Variants in PTCD2 observed in about 807,000 individuals in gnomAD.
The protein encoded by PTCD2 is pentatricopeptide repeat-containing protein 2, mitochondrial.
PTCD2 carries 31 observed loss-of-function variants against 42.6 expected under a neutral mutation model. The ratio of observed to expected loss-of-function variants is 0.73; its 90% CI spans 0.55 to 0.98. PTCD2 has a LOEUF of 0.98. Among genes scored for constraint, PTCD2 ranks in the 50% least tolerant of loss-of-function variants. The pLI is 0.00. For synonymous variants in PTCD2, 183 were observed against 170.9 expected, an observed-to-expected ratio of 1.07 and a Z score of -0.55; for missense variants, 476 against 454.8, an observed-to-expected ratio of 1.05 and a Z score of -0.42.
chr5:72,332,744 C>G (rs180676403), intron 4 of PTCD2, among the ~76,000 whole-genome samples: 19 of 152,202 alleles, frequency 1.2e-4, no homozygotes, highest in African/African-American at 4.6e-4. Flanking sequence ...AGGACCTAAT[C>G]CTGCTTCTAG....
At chr5:72,325,742 A>G (rs763623261) in intron 2 of PTCD2, among the ~76,000 whole-genome samples, 53 of 152,314 alleles carry the variant, frequency 3.5e-4, no homozygotes, top group Non-Finnish European at 7.5e-4. Flanking sequence ...GGTTCTTGGA[A>G]CAAATCCTAT....
intron 6 of PTCD2, among the ~76,000 whole-genome samples, chr5:72,337,312 A>G (rs1260743612): frequency 3.9e-5 from 6 of 152,006 alleles, no homozygotes; most frequent in East Asian, 1.9e-4. Context: ...ATTTAGCCCA[A>G]GGGTCATAGT....
rs1753055889 is a variant in PTCD2, at chr5:72,360,018, A to G, written c.*1591A>G. On this transcript the variant is annotated 3_prime_UTR_variant, in exon 10 of 10. Coordinates refer to ENST00000380639, the MANE Select transcript of PTCD2 (RefSeq NM_024754.5). ...AAAGCAAGCAGATAGTGGCTGGCAC[A>G]TAGTACATGCAATATGTTTGAAACT... The G allele has an allele frequency of 1.3e-5, 2 of 152,096 alleles. No homozygotes were observed. Among genetic ancestry groups the G allele is most frequent in the African/African-American group, 4.8e-5 (2 of 41,414 alleles). 9.4% of individuals were successfully genotyped at this position (152,096 alleles called of 1,614,324 possible). A position where few individuals can be genotyped will look rare whatever the true frequency, so the allele number is the denominator to read the frequency against.
intron 3 of PTCD2, among the ~76,000 whole-genome samples, chr5:72,330,161 C>T (rs1751371767): frequency 6.6e-6 from 1 of 151,412 alleles, no homozygotes; most frequent in Non-Finnish European, 1.5e-5. Context: ...AAGATGGTCT[C>T]GATCTCCTGA....
chr5:72,352,705 A>G lies in PTCD2; in HGVS notation c.893A>G (p.Glu298Gly). Reference protein sequence around the residue: ...NLIKTLKNAAEGNLSKFVKRH... With the variant: ...NLIKTLKNAAGGNLSKFVKRH... Reference sequence around the variant, plus strand: ...ATAAAGACTCTAAAAAATGCTGCAGAAGGAAATTTATCAAAATTTGTGAAA... The same window carrying G: ...ATAAAGACTCTAAAAAATGCTGCAGGAGGAAATTTATCAAAATTTGTGAAA... The change falls in exon 9 of 10, where the codon GAA (glutamate) becomes GGA (glycine). Residue 298 changes from glutamate to glycine, a missense_variant. Transcript: ENST00000380639. The G allele has an allele frequency of 6.2e-7, 1 of 1,605,282 alleles. No individual in the cohort carries two copies. The highest frequency in any genetic ancestry group is 1.3e-5 in the African/African-American group (1 of 74,836).
At position 72,335,605 on chromosome 5, in the gene PTCD2, A is replaced by T; in HGVS notation, c.548-189A>T. The T allele has an allele frequency of 6.4e-6, 3 of 468,322 alleles. No individual in the cohort carries two copies. In the South Asian group the frequency reaches 1.4e-4, roughly 21 times the overall value. 29.0% of individuals were successfully genotyped at this position (468,322 alleles called of 1,614,324 possible). ...ATGCTAAAATTGTGAAGCAGCTTTT[A>T]AAACATTAGTTCTTCCTGTTTGACT... On this transcript the variant is annotated intron_variant, in intron 5 of 9. Coordinates refer to ENST00000380639, the MANE Select transcript of PTCD2 (RefSeq NM_024754.5).
Position 72,358,209 on chromosome 5 carries a change from A to C in PTCD2, c.949A>C (p.Lys317Gln), listed in dbSNP as rs1333554767. Reference protein sequence around the residue: ...RHVFSEEVLAKVREKVKDVPA... With the variant: ...RHVFSEEVLAQVREKVKDVPA... ...TGTTCTTGCTTTTTTCCAGCTGGCC[A>C]AAGTGAGGGAAAAAGTGAAGGATGT... The change falls in exon 10 of 10, where the codon AAA (lysine) becomes CAA (glutamine). Residue 317 changes from lysine to glutamine, a missense_variant. Physicochemically the swap from Lys to Gln is moderately conservative, Grantham distance 53. Coordinates refer to ENST00000380639, the MANE Select transcript of PTCD2 (RefSeq NM_024754.5). The C allele has an allele frequency of 1.2e-6, 2 of 1,613,620 alleles. No individual in the cohort carries two copies. The highest frequency in any genetic ancestry group is 1.7e-6 in the Non-Finnish European group (2 of 1,179,800).
At chr5:72,355,819 T>C (rs1359435092) in intron 9 of PTCD2, among the ~76,000 whole-genome samples, 11 of 152,192 alleles carry the variant, frequency 7.2e-5, no homozygotes, top group Admixed American at 7.2e-4. Context: ...AAGTGGCCTG[T>C]TGGTTGGTCC....
intron 2 of PTCD2, among the ~76,000 whole-genome samples, chr5:72,325,850 G>A (rs1025694829): frequency 6.6e-6 from 1 of 152,144 alleles, no homozygotes; most frequent in Non-Finnish European, 1.5e-5. Context: ...CCGCATTTTG[G>A]TGGGAATAAA....
intron 4 of PTCD2, among the ~76,000 whole-genome samples, chr5:72,331,921 T>C (rs137901786): frequency 4.5e-4 from 68 of 152,354 alleles, no homozygotes; most frequent in African/African-American, 1.5e-3. Flanking sequence ...TTTTATTTGT[T>C]TCTCACAATA....
At chr5:72,323,598 C>T (rs1305035969) in intron 2 of PTCD2, among the ~76,000 whole-genome samples, 4 of 152,068 alleles carry the variant, frequency 2.6e-5, no homozygotes, top group African/African-American at 9.7e-5. Context: ...GCTCTCCTTC[C>T]TCTCACTGCC....
At position 72,364,825 on chromosome 5, in the gene PTCD2, G is replaced by A. The variant is rs1753164987; in HGVS notation, c.*6398G>A. ...CAGGGCCCCTGTATCTTGCAGTAAT[G>A]TATCCGTGGGCGTTTCCCCCCAGAC... On this transcript the variant is annotated 3_prime_UTR_variant, in exon 10 of 10. Coordinates refer to ENST00000380639, the MANE Select transcript of PTCD2 (RefSeq NM_024754.5). 6.6e-6 allele frequency: 1 copy of A among 152,200 alleles called. No homozygotes were observed. The highest frequency in any genetic ancestry group is 2.4e-5 in the African/African-American group (1 of 41,424). The allele number at this position is 152,200 out of a possible 1,614,324, so 9.4% of individuals were successfully genotyped here.
chr5:72,324,787 G>A (rs927037653), intron 2 of PTCD2, among the ~76,000 whole-genome samples: 4 of 152,168 alleles, frequency 2.6e-5, no homozygotes, highest in African/African-American at 9.7e-5. Flanking sequence ...TTTGAGGGCA[G>A]GAACTATTCC....
chr5:72,321,067 G>T (rs979161901), intron 1 of PTCD2: 1 of 155,248 alleles, frequency 6.4e-6, no homozygotes, highest in South Asian at 1.9e-4. Flanking sequence ...GCCTCCCAAA[G>T]TGCTGGGATT....
intron 3 of PTCD2, among the ~76,000 whole-genome samples, chr5:72,329,195 T>C (rs1751301882): frequency 6.6e-6 from 1 of 152,258 alleles, no homozygotes; most frequent in African/African-American, 2.4e-5. Flanking sequence ...CTGATGCTAA[T>C]AAATCTCTAC....
chr5:72,367,526 C>T lies in PTCD2; in HGVS notation c.*9099C>T, dbSNP rs552702952. 1 of 152,294 alleles carries T rather than the reference C, an allele frequency of 6.6e-6. No individual in the cohort carries two copies. Among genetic ancestry groups the T allele is most frequent in the Admixed American group, 6.5e-5 (1 of 15,302 alleles). The allele number at this position is 152,294 out of a possible 1,614,324, so 9.4% of individuals were successfully genotyped here. A position where few individuals can be genotyped will look rare whatever the true frequency, so the allele number is the denominator to read the frequency against. ...CAGAGTTGGTATGGTTTGGCCACAC[C>T]AGCTCAGGGATAAAGGTACTAGAAA... is the stretch of plus-strand genomic sequence containing the variant. On this transcript the variant is annotated 3_prime_UTR_variant, in exon 10 of 10. Coordinates refer to ENST00000380639, the MANE Select transcript of PTCD2 (RefSeq NM_024754.5).
In PTCD2 at chr5:72,361,521, G is replaced by A. The variant is rs930535951; in HGVS notation, c.*3094G>A. 6.6e-6 allele frequency: 1 copy of A among 152,158 alleles called. No homozygotes were observed. The highest frequency in any genetic ancestry group is 2.4e-5 in the African/African-American group (1 of 41,428). The allele number at this position is 152,158 out of a possible 1,614,324, so 9.4% of individuals were successfully genotyped here. A position where few individuals can be genotyped will look rare whatever the true frequency, so the allele number is the denominator to read the frequency against. ...AGAAGCAGTTACATTTTATGACCTA[G>A]TCTCAGAAGTCTCATAACATCACTT... On this transcript the variant is annotated 3_prime_UTR_variant, in exon 10 of 10. Coordinates refer to ENST00000380639, the MANE Select transcript of PTCD2 (RefSeq NM_024754.5).
chr5:72,336,059 G>C (rs1751724965), intron 6 of PTCD2, among the ~76,000 whole-genome samples, 174 bp downstream of exon 6: 1 of 152,206 alleles, frequency 6.6e-6, no homozygotes, highest in Non-Finnish European at 1.5e-5. Flanking sequence ...ATATCAGGCA[G>C]TTTTATGGGA....
At chr5:72,328,024 TAAA>T (rs1205040754) in intron 3 of PTCD2, among the ~76,000 whole-genome samples, 2 of 152,172 alleles carry the variant, frequency 1.3e-5, no homozygotes, top group Admixed American at 1.3e-4. Flanking sequence ...AAGTAAAAAT[TAAA>T]AAATTCATTG....
Sources: gnomAD v4.1 joint callset for allele counts (sites outside exome capture counted in the v4.1 genomes callset) on GRCh38, gnomAD v4.1.1 for gene constraint, MANE v1.5 for transcripts, NCBI Gene and HGNC (gene_info 2026-07-23, HGNC 2026-07-21) for gene names.